Variants in IPCEF1 observed in about 807,000 individuals in gnomAD.
The protein encoded by IPCEF1 is interactor protein for cytohesin exchange factors 1.
Under a neutral mutation model 50.9 loss-of-function variants are expected in IPCEF1, and 31 were observed. The ratio of observed to expected loss-of-function variants is 0.61; its 90% CI spans 0.46 to 0.82. The LOEUF (loss-of-function observed/expected upper bound fraction) is 0.82. Ranked by LOEUF, IPCEF1 falls within the 40% of genes least tolerant of loss-of-function variation. IPCEF1 has a pLI of 0.00. For synonymous variants in IPCEF1, 181 were observed against 192.0 expected (o/e 0.94, Z 0.47); for missense variants, 458 against 514.0 (o/e 0.89, Z 1.05).
intron 5 of IPCEF1, among the ~76,000 whole-genome samples, chr6:154,238,349 A>G (rs191867016): frequency 0.02 from 3,060 of 152,130 alleles, 101 homozygotes; most frequent in African/African-American, 0.069. Context: ...TCTGCCTCCC[A>G]GGTTCAAGCG....
intron 7 of IPCEF1, among the ~76,000 whole-genome samples, chr6:154,219,517 CG>C (rs1778680730): frequency 6.6e-6 from 1 of 152,112 alleles, no homozygotes; most frequent in African/African-American, 2.4e-5. Context: ...TGAGGCTCAG[CG>C]GCGGACTGAC....
chr6:154,302,195 G>A (rs1203407054), intron 1 of IPCEF1, among the ~76,000 whole-genome samples: 2 of 152,182 alleles, frequency 1.3e-5, no homozygotes, highest in Non-Finnish European at 2.9e-5. Flanking sequence ...CTGTTATTGA[G>A]TTAAATCTCC....
chr6:154,280,872 G>A (rs974607156), intron 2 of IPCEF1, among the ~76,000 whole-genome samples: 1 of 152,142 alleles, frequency 6.6e-6, no homozygotes, highest in Non-Finnish European at 1.5e-5. Flanking sequence ...TCCACTGCAT[G>A]TATGTTATAT....
At chr6:154,258,764 T>G (rs1477561375) in intron 3 of IPCEF1, among the ~76,000 whole-genome samples, 2 of 152,170 alleles carry the variant, frequency 1.3e-5, no homozygotes, top group Non-Finnish European at 2.9e-5. Context: ...TCAAAACCCA[T>G]TCAACACACC....
intron 3 of IPCEF1, among the ~76,000 whole-genome samples, chr6:154,253,661 A>G (rs532990635): frequency 2.7e-4 from 41 of 152,308 alleles, no homozygotes; most frequent in Admixed American, 5.2e-4. Context: ...GAATTCCATG[A>G]TCATAGGATA....
chr6:154,228,586 C>T (rs1053241655), intron 5 of IPCEF1, among the ~76,000 whole-genome samples: 3 of 152,152 alleles, frequency 2.0e-5, no homozygotes, highest in African/African-American at 7.2e-5. Flanking sequence ...TGGAGTGTCA[C>T]GTACAGTTGC....
chr6:154,182,624 G>C (rs1415797235), intron 10 of IPCEF1, among the ~76,000 whole-genome samples: 1 of 152,162 alleles, frequency 6.6e-6, no homozygotes, highest in Non-Finnish European at 1.5e-5. Flanking sequence ...AAAGATATTT[G>C]ATCGCCTTTT....
intron 10 of IPCEF1, among the ~76,000 whole-genome samples, chr6:154,171,099 C>T (rs1323822160): frequency 6.6e-6 from 1 of 152,128 alleles, no homozygotes; most frequent in African/African-American, 2.4e-5. Context: ...TGTGCCCCAG[C>T]AATTACACTC....
At chr6:154,182,610 C>CA (rs1351881978) in intron 10 of IPCEF1, among the ~76,000 whole-genome samples, 2 of 152,084 alleles carry the variant, frequency 1.3e-5, no homozygotes, top group Admixed American at 6.6e-5. Context: ...GGTGTACATA[C>CA]AAAAAAGATA....
chr6:154,204,572 C>T (rs1185111471), intron 9 of IPCEF1, among the ~76,000 whole-genome samples: 1 of 152,162 alleles, frequency 6.6e-6, no homozygotes, highest in Non-Finnish European at 1.5e-5. Context: ...TAGTACACTC[C>T]TTCTCTGTCA....
At chr6:154,177,945 G>A (rs6931741) in intron 10 of IPCEF1, among the ~76,000 whole-genome samples, 103,207 of 152,064 alleles carry the variant, frequency 0.68, 35,768 homozygotes, top group East Asian at 0.89. Context: ...TACACCATGG[G>A]ATACTACGCA....
intron 10 of IPCEF1, among the ~76,000 whole-genome samples, chr6:154,184,515 A>G (rs1301247890): frequency 6.6e-6 from 1 of 152,106 alleles, no homozygotes; most frequent in Non-Finnish European, 1.5e-5. Context: ...CCAATGGTAT[A>G]TGTGTGTACA....
intron 7 of IPCEF1, among the ~76,000 whole-genome samples, chr6:154,217,863 C>G (rs980780215): frequency 6.6e-6 from 1 of 152,042 alleles, no homozygotes; most frequent in Non-Finnish European, 1.5e-5. Context: ...GTGTCTGAAA[C>G]AAGAAAAGGC....
At chr6:154,228,574 A>C (rs934857465) in intron 5 of IPCEF1, among the ~76,000 whole-genome samples, 4 of 152,186 alleles carry the variant, frequency 2.6e-5, no homozygotes, top group African/African-American at 9.6e-5. Context: ...TGTTCATCTC[A>C]GTGGAGTGTC....
chr6:154,175,984 C>T (rs191428817), intron 10 of IPCEF1, among the ~76,000 whole-genome samples: 2 of 152,232 alleles, frequency 1.3e-5, no homozygotes, highest in Admixed American at 1.3e-4. Context: ...ACAATCAAGT[C>T]GGCTTCATCC....
intron 3 of IPCEF1, among the ~76,000 whole-genome samples, chr6:154,254,954 T>C (rs933425001): frequency 6.6e-6 from 1 of 152,218 alleles, no homozygotes; most frequent in Admixed American, 6.5e-5. Flanking sequence ...TAATTTAGTA[T>C]TTCTAAATTC....
At chr6:154,305,302 C>T (rs1282826700) in intron 1 of IPCEF1, among the ~76,000 whole-genome samples, 3 of 152,156 alleles carry the variant, frequency 2.0e-5, no homozygotes, top group African/African-American at 7.2e-5. Flanking sequence ...CTCCCTTTCT[C>T]CTTCCCCTGC....
intron 1 of IPCEF1, among the ~76,000 whole-genome samples, chr6:154,303,094 T>A (rs1003342851): frequency 3.5e-5 from 5 of 143,786 alleles, no homozygotes; most frequent in African/African-American, 1.3e-4. Context: ...TGATAGCACT[T>A]TTTTTTTTTT....
chr6:154,237,193 T>G (rs1043638714), intron 5 of IPCEF1, among the ~76,000 whole-genome samples: 1 of 152,186 alleles, frequency 6.6e-6, no homozygotes, highest in African/African-American at 2.4e-5. Flanking sequence ...TCAAACCTAA[T>G]GAAAAGTTCA....
Sources: gnomAD v4.1 joint callset for allele counts (sites outside exome capture counted in the v4.1 genomes callset) on GRCh38, gnomAD v4.1.1 for gene constraint, MANE v1.5 for transcripts, NCBI Gene and HGNC (gene_info 2026-07-23, HGNC 2026-07-21) for gene names.